The following ARAP1 variants were observed in gnomAD, a reference collection of about 807,000 sequenced individuals.
ARAP1 encodes arf-GAP with Rho-GAP domain, ANK repeat and PH domain-containing protein 1.
Under a neutral mutation model 172.2 loss-of-function variants are expected in ARAP1, and 76 were observed. That is an observed-to-expected ratio of 0.44 (90% CI 0.37 to 0.53). The LOEUF (loss-of-function observed/expected upper bound fraction) is 0.53, where lower values mean the gene tolerates loss of function less well. Among genes scored for constraint, ARAP1 ranks in the 20% least tolerant of loss-of-function variants. The pLI is 0.00. For synonymous variants in ARAP1, 804 were observed against 803.3 expected, an observed-to-expected ratio of 1.00 and a Z score of -0.01; for missense variants, 1,686 against 1,977.5, an observed-to-expected ratio of 0.85 and a Z score of 2.80.
chr11:72,718,006 G>A (rs1234384574), intron 3 of ARAP1, among the ~76,000 whole-genome samples: 1 of 152,182 alleles, frequency 6.6e-6, no homozygotes, highest in Non-Finnish European at 1.5e-5. Flanking sequence ...CAAGAAGGGA[G>A]AGGGAAACAG....
intron 1 of ARAP1, among the ~76,000 whole-genome samples, chr11:72,736,146 T>C (rs1416811872): frequency 2.0e-5 from 3 of 152,264 alleles, no homozygotes; most frequent in African/African-American, 4.8e-5. Flanking sequence ...ATTTTTGGCA[T>C]TAATTTTTAT....
chr11:72,694,279 G>A (rs150774434), intron 27 of ARAP1, among the ~76,000 whole-genome samples: 8 of 151,890 alleles, frequency 5.3e-5, no homozygotes, highest in South Asian at 4.2e-4. Flanking sequence ...ACCCATCAGC[G>A]AGTAGCAATC....
chr11:72,697,637 TCCCC>T lies in ARAP1; in HGVS notation c.2746_2749del (p.Gly916ThrfsTer56). On this transcript the variant is annotated frameshift_variant, in exon 20 of 35. Coordinates refer to ENST00000393609, the MANE Select transcript of ARAP1 (RefSeq NM_001040118.3). LOFTEE classifies it high-confidence loss of function. ...CAGCACCAGCACCTGGTTCTCACTGTCCCCCTGGATGGCTGTGGAGGGGTTAGTC... is the reference window on the plus strand; with the variant it reads ...CAGCACCAGCACCTGGTTCTCACTGTCTGGATGGCTGTGGAGGGGTTAGTC... The T allele has an allele frequency of 6.2e-7, 1 of 1,613,986 alleles. No individual in the cohort carries two copies. The highest frequency in any genetic ancestry group is 1.1e-5 in the South Asian group (1 of 91,068).
chr11:72,750,637 C>A (rs1325030492), intron 1 of ARAP1, among the ~76,000 whole-genome samples: 1 of 152,222 alleles, frequency 6.6e-6, no homozygotes, highest in Admixed American at 6.5e-5. Context: ...CACCGTCTCT[C>A]TTTGGGGCAT....
At chr11:72,705,570 T>A in intron 13 of ARAP1, 2 of 490,372 alleles carry the variant, frequency 4.1e-6, no homozygotes, top group Non-Finnish European at 7.2e-6. Context: ...TCCTTTTTTT[T>A]TCTTTAAAAA....
chr11:72,723,964 G>T (rs991986143), intron 3 of ARAP1, among the ~76,000 whole-genome samples: 7 of 152,102 alleles, frequency 4.6e-5, no homozygotes, highest in African/African-American at 1.7e-4. Flanking sequence ...TGCTCAAACA[G>T]CACGTGCACA....
chr11:72,729,486 A>G (rs1857793718), intron 2 of ARAP1, among the ~76,000 whole-genome samples: 1 of 152,114 alleles, frequency 6.6e-6, no homozygotes, highest in South Asian at 2.1e-4. Context: ...TCAGCTACTC[A>G]GGAGGCTAAG....
At chr11:72,697,549 T>C in intron 20 of ARAP1, 49 bp downstream of exon 20, 1 of 1,613,322 alleles carries the variant, frequency 6.2e-7, no homozygotes, top group Non-Finnish European at 8.5e-7. Context: ...CCCAGGCCCA[T>C]CAGACTGCTC....
chr11:72,742,447 G>C (rs1021177919), intron 1 of ARAP1, among the ~76,000 whole-genome samples: 2 of 152,340 alleles, frequency 1.3e-5, no homozygotes, highest in Non-Finnish European at 2.9e-5. Flanking sequence ...AACTGGCTCA[G>C]TCACTCAGGA....
At position 72,726,574 on chromosome 11, in the gene ARAP1, G is replaced by T; in HGVS notation, c.509+46C>A. 1 of 1,455,504 alleles carries T rather than the reference G, an allele frequency of 6.9e-7. No homozygotes were observed. The allele number at this position is 1,455,504 out of a possible 1,614,324, so 90.2% of individuals were successfully genotyped here. On this transcript the variant is annotated intron_variant, in intron 3 of 34. Coordinates refer to ENST00000393609, the MANE Select transcript of ARAP1 (RefSeq NM_001040118.3). The surrounding 1 kb of genome is among the most constrained non-coding windows in gnomAD (Gnocchi z 6.5). ...CCACAAACTCCCCATCTACCCTCTG[G>T]GATCCTCTGCCTGTGCGCCTCCCAC...
At chr11:72,698,489 G>T (rs1449668814) in intron 18 of ARAP1, among the ~76,000 whole-genome samples, 1 of 152,184 alleles carries the variant, frequency 6.6e-6, no homozygotes, top group African/African-American at 2.4e-5. Context: ...GGTTCATCTG[G>T]GTCCCAGGTC....
In ARAP1 at chr11:72,702,932, C is replaced by A; in HGVS notation, c.2140G>T (p.Glu714Ter). Reference sequence around the variant, plus strand: ...GTGGTCCGGTTGTTCCGAAGGAATTCCATCTGCAGCGTCTGCCCCGCCTGC... The same window carrying A: ...GTGGTCCGGTTGTTCCGAAGGAATTACATCTGCAGCGTCTGCCCCGCCTGC... ...AEQAGQTLQM[E>*]FLRNNRTTEV... The change falls in exon 15 of 35, where the codon GAA becomes TAA. Residue 714 changes from glutamate (E) to a stop codon, truncating the protein, a stop_gained. Transcript: ENST00000393609. LOFTEE classifies it high-confidence loss of function. The A allele has an allele frequency of 6.4e-7, 1 of 1,558,482 alleles. No homozygotes were observed. Among genetic ancestry groups the A allele is most frequent in the Non-Finnish European group, 8.7e-7 (1 of 1,150,644 alleles).
chr11:72,749,750 C>T (rs1158182653), intron 1 of ARAP1, among the ~76,000 whole-genome samples: 2 of 151,840 alleles, frequency 1.3e-5, no homozygotes, highest in East Asian at 1.9e-4. Context: ...GGTGTGGTGG[C>T]GGGCGCCTGT....
rs554661168 is a variant in ARAP1, at chr11:72,710,080, G to A, written c.1417-104C>T. The A allele has an allele frequency of 6.5e-6, 7 of 1,074,480 alleles. No individual in the cohort carries two copies. The highest frequency in any genetic ancestry group is 1.6e-5 in the African/African-American group (1 of 64,260). The allele number at this position is 1,074,480 out of a possible 1,614,324, so 66.6% of individuals were successfully genotyped here. On this transcript the variant is annotated intron_variant, in intron 10 of 34. Coordinates refer to ENST00000393609, the MANE Select transcript of ARAP1 (RefSeq NM_001040118.3). This position sits in a 1 kb window ranked among gnomAD's most constrained non-coding sequence, Gnocchi z 4.3. ...GGTGGTGCAACTCAGGGACTGGGGG[G>A]GGTGCCCAGGAGGGAGACAGCAGGG...
In ARAP1 at chr11:72,695,267, G is replaced by T; in HGVS notation, c.3576+120C>A. 2 of 1,416,516 alleles carry T rather than the reference G, an allele frequency of 1.4e-6. No homozygotes were observed. Among genetic ancestry groups the T allele is most frequent in the South Asian group, 1.2e-5 (1 of 82,468 alleles). 87.7% of individuals were successfully genotyped at this position (1,416,516 alleles called of 1,614,324 possible). A position where few individuals can be genotyped will look rare whatever the true frequency, so the allele number is the denominator to read the frequency against. ...TAGGAGCAGACCCCAGCACCAGCCA[G>T]ATACAGGTCCCAAACTGGTCCTCTC... On this transcript the variant is annotated intron_variant, in intron 26 of 34. Coordinates refer to ENST00000393609, the MANE Select transcript of ARAP1 (RefSeq NM_001040118.3). This position sits in a 1 kb window ranked among gnomAD's most constrained non-coding sequence, Gnocchi z 4.4.
intron 1 of ARAP1, among the ~76,000 whole-genome samples, chr11:72,751,143 C>T (rs964176359): frequency 3.3e-5 from 5 of 152,120 alleles, no homozygotes; most frequent in Admixed American, 6.5e-5. Context: ...GGGACACCCC[C>T]TTCCTAAACT....
Position 72,730,274 on chromosome 11 carries a change from C to T in ARAP1, c.-45+2241G>A, listed in dbSNP as rs117140622. ...CTGAAAAGGAACTTAACCTCCCCCA[C>T]ACTAGGAAATATGAATGTAAAATAT... On this transcript the variant is annotated intron_variant, in intron 2 of 34. Coordinates refer to ENST00000393609, the MANE Select transcript of ARAP1 (RefSeq NM_001040118.3). 1.5e-4 allele frequency among the ~76,000 whole-genome samples: 23 copies of T among 152,330 alleles called. 1 individual carries two copies. In the East Asian group the frequency reaches 4.4e-3, roughly 29 times the overall value.
intron 1 of ARAP1, among the ~76,000 whole-genome samples, chr11:72,738,463 C>T (rs552109217): frequency 2.0e-5 from 3 of 152,146 alleles, no homozygotes; most frequent in Non-Finnish European, 4.4e-5. Flanking sequence ...AGCTCCCCTC[C>T]GCACAGGCCT....
At chr11:72,724,951 A>G (rs59311588) in intron 3 of ARAP1, among the ~76,000 whole-genome samples, 41,041 of 152,032 alleles carry the variant, frequency 0.27, 5,832 homozygotes, top group South Asian at 0.38. Flanking sequence ...GGTACCCTGG[A>G]GCCCTGGGGT....
Sources: gnomAD v4.1 joint callset for allele counts (sites outside exome capture counted in the v4.1 genomes callset) on GRCh38, gnomAD v4.1.1 for gene constraint, Gnocchi (gnomAD v3.1) non-coding constraint, MANE v1.5 for transcripts, NCBI Gene and HGNC (gene_info 2026-07-23, HGNC 2026-07-21) for gene names.